BEND5: variants seen among roughly 807,000 people sequenced by gnomAD.
BEND5 encodes the protein BEN domain containing 5, also known as BEN domain-containing protein 5.
A neutral mutation model predicts 43.9 loss-of-function variants in BEND5; 22 were observed. The observed-to-expected ratio is 0.50, with a 90% CI of 0.36 to 0.72. The LOEUF is 0.72. BEND5 is among the 30% of genes least tolerant of loss of function. The pLI is 0.00. For synonymous variants in BEND5, 228 were observed against 225.9 expected (o/e 1.01, Z -0.08); for missense variants, 428 against 550.6 (o/e 0.78, Z 2.23).
At chr1:48,776,057 C>T (rs1321902112) in intron 1 of BEND5, among the ~76,000 whole-genome samples, 3 of 152,116 alleles carry the variant, frequency 2.0e-5, no homozygotes, top group Non-Finnish European at 2.9e-5. Context: ...AATGTTGGCC[C>T]GGATGGGACA....
rs143430976 is a variant in BEND5, at chr1:48,742,683, C to T, written c.834G>A (p.Thr278=). The T allele has an allele frequency of 4.4e-5, 71 of 1,611,268 alleles. No individual in the cohort carries two copies. The highest frequency in any genetic ancestry group is 1.6e-4 in the Middle Eastern group (1 of 6,070). ...GCGCAGGAGCGGGGTAATAGGACGACGTATTTGCTTCCTCACTGAAAGTGC... is the reference window on the plus strand; with the variant it reads ...GCGCAGGAGCGGGGTAATAGGACGATGTATTTGCTTCCTCACTGAAAGTGC... ...LRSTFSEEAN[T]SSYYPAPAPV... Residue 278 remains threonine, a synonymous_variant, in exon 4 of 6, where the codon ACG becomes ACA. Transcript: ENST00000371833.
intron 3 of BEND5, among the ~76,000 whole-genome samples, chr1:48,749,366 A>G (rs1445868509): frequency 1.3e-5 from 2 of 152,158 alleles, no homozygotes; most frequent in African/African-American, 4.8e-5. Context: ...TGTCCTCCAT[A>G]CAGAACACTC....
chr1:48,744,812 A>G (rs575935585), intron 3 of BEND5, among the ~76,000 whole-genome samples: 1 of 152,226 alleles, frequency 6.6e-6, no homozygotes, highest in East Asian at 1.9e-4. Context: ...GCTAGGGTTC[A>G]TTTCTTGCCC....
At chr1:48,740,988 T>C (rs1011156065) in intron 4 of BEND5, among the ~76,000 whole-genome samples, 5 of 152,232 alleles carry the variant, frequency 3.3e-5, no homozygotes, top group Non-Finnish European at 7.3e-5. Flanking sequence ...CAAGATTTGC[T>C]GTTCAACTCA....
rs975412138 is a variant in BEND5 at position 48,727,679 on chromosome 1, A to C, written c.*207T>G. The C allele has an allele frequency of 5.5e-6, 2 of 364,368 alleles. No homozygotes were observed. The highest frequency in any genetic ancestry group is 9.8e-6 in the Non-Finnish European group (2 of 203,850). The allele number at this position is 364,368 out of a possible 1,614,324, so 22.6% of individuals were successfully genotyped here. ...GTGTTTTCCCCATTCCCAGAAGGAC[A>C]CCAGTGCCAGGCTGCTCCTGAGTCT... is the stretch of plus-strand genomic sequence containing the variant. On this transcript the variant is annotated 3_prime_UTR_variant, in exon 6 of 6. Coordinates refer to ENST00000371833, the MANE Select transcript of BEND5 (RefSeq NM_024603.4).
rs1339113888 is a variant in BEND5, at chr1:48,737,451, T to C, written c.895-999A>G. On this transcript the variant is annotated intron_variant, in intron 4 of 5. Transcript: ENST00000371833. ...TAAGGAGAGCAGCTGCCCTGCCAAT[T>C]GGAGTAGGGCTGTGCCAGTCCTTTC... Among the ~76,000 whole-genome samples the C allele has an allele frequency of 2.0e-5, 3 of 152,270 alleles. No homozygotes were observed. The East Asian group carries it at 5.8e-4, about 29-fold the overall frequency.
Position 48,736,142 on chromosome 1 carries a change from G to T in BEND5, c.1108+97C>A. 1 of 1,385,374 alleles carries T rather than the reference G, an allele frequency of 7.2e-7. No homozygotes were observed. The highest frequency in any genetic ancestry group is 1.0e-6 in the Non-Finnish European group (1 of 984,090). The allele number at this position is 1,385,374 out of a possible 1,614,324, so 85.8% of individuals were successfully genotyped here. On this transcript the variant is annotated intron_variant, in intron 5 of 5. Transcript: ENST00000371833. The surrounding 1 kb of genome is among the most constrained non-coding windows in gnomAD (Gnocchi z 4.0). ...TCAGCCCAGGGTCTGGCATGCAGAAGCTTCATAAGTAATCGTTGAATTGAA... is the reference window on the plus strand; with the variant it reads ...TCAGCCCAGGGTCTGGCATGCAGAATCTTCATAAGTAATCGTTGAATTGAA...
In BEND5 at chr1:48,776,685, G is replaced by A. The variant is rs1201394789; in HGVS notation, c.147C>T (p.Ala49=). ...GGGCGCGCGGGGGGCTCTCGGGCCC[G>A]GCGCCCAATTCCTCCGGGCCCCGGT... The part of the protein sequence containing the change: ...AVYRGPEELG[A]GPESPPRAPR... The change falls in exon 1 of 6, where the codon GCC becomes GCT. Residue 49 remains alanine, a synonymous_variant. Transcript: ENST00000371833. 6.6e-7 allele frequency: 1 copy of A among 1,513,684 alleles called. No homozygotes were observed. Among genetic ancestry groups the A allele is most frequent in the East Asian group, 2.7e-5 (1 of 36,466 alleles). The allele number at this position is 1,513,684 out of a possible 1,614,324, so 93.8% of individuals were successfully genotyped here. A position where few individuals can be genotyped will look rare whatever the true frequency, so the allele number is the denominator to read the frequency against.
intron 3 of BEND5, among the ~76,000 whole-genome samples, chr1:48,747,868 A>G (rs1375431349): frequency 4.6e-5 from 7 of 152,238 alleles, no homozygotes. Context: ...GACACTAAAT[A>G]TCATTTCTGA....
chr1:48,774,993 A>T (rs1369561666), intron 1 of BEND5, among the ~76,000 whole-genome samples: 1 of 152,230 alleles, frequency 6.6e-6, no homozygotes, highest in East Asian at 1.9e-4. Context: ...GCAAAAGGGA[A>T]GCTAAGGTTA....
At position 48,755,485 on chromosome 1, in the gene BEND5, T is replaced by C. The variant is rs544959926; in HGVS notation, c.745+3415A>G. ...CAAAAAATGAAAATACTCAAGGATA[T>C]GCCTCCAGGAGCAACACTCAAATGA... On this transcript the variant is annotated intron_variant, in intron 3 of 5. Coordinates refer to ENST00000371833, the MANE Select transcript of BEND5 (RefSeq NM_024603.4). Among the ~76,000 whole-genome samples the C allele has an allele frequency of 9.9e-5, 15 of 152,280 alleles. No individual in the cohort carries two copies. The South Asian group carries it at 2.9e-3, about 30-fold the overall frequency.
chr1:48,755,460 CA>C (rs1387586784), intron 3 of BEND5, among the ~76,000 whole-genome samples: 3 of 152,072 alleles, frequency 2.0e-5, no homozygotes, highest in African/African-American at 7.2e-5. Context: ...CTGAGGTGGA[CA>C]AAAAATGAAA....
chr1:48,755,542 G>A (rs12137284), intron 3 of BEND5, among the ~76,000 whole-genome samples: 29,510 of 152,144 alleles, frequency 0.19, 3,589 homozygotes, highest in East Asian at 0.39. Context: ...CAAAGCCTGG[G>A]CCCTACATCA....
chr1:48,730,481 G>A (rs576466280), intron 5 of BEND5, among the ~76,000 whole-genome samples: 2 of 152,144 alleles, frequency 1.3e-5, no homozygotes, highest in Non-Finnish European at 2.9e-5. Flanking sequence ...GGTAATAATG[G>A]CAGGTAAAGT....
At chr1:48,772,337 T>C (rs1644877469) in intron 1 of BEND5, among the ~76,000 whole-genome samples, 1 of 152,206 alleles carries the variant, frequency 6.6e-6, no homozygotes, top group Non-Finnish European at 1.5e-5. Context: ...ATGTACTTTG[T>C]CCACTCCTTT....
intron 2 of BEND5, 70 bp from the exon 3 acceptor site, chr1:48,759,354 TC>T: frequency 6.7e-7 from 1 of 1,500,058 alleles, no homozygotes. Flanking sequence ...GATCAATATT[TC>T]CCCAGACAAT....
intron 4 of BEND5, among the ~76,000 whole-genome samples, chr1:48,738,184 C>A (rs1043073292): frequency 6.6e-6 from 1 of 152,120 alleles, no homozygotes; most frequent in Non-Finnish European, 1.5e-5. Context: ...TGAAATTTTC[C>A]AACCATCAAG....
intron 1 of BEND5, among the ~76,000 whole-genome samples, chr1:48,769,496 A>C (rs1367606338): frequency 6.7e-6 from 1 of 148,720 alleles, no homozygotes; most frequent in Non-Finnish European, 1.5e-5. Flanking sequence ...TAAGCCTTTC[A>C]TGCTTAGGTC....
At chr1:48,760,621 C>T (rs1366461587) in intron 2 of BEND5, among the ~76,000 whole-genome samples, 7 of 152,186 alleles carry the variant, frequency 4.6e-5, no homozygotes, top group African/African-American at 1.7e-4. Flanking sequence ...GGGCCAGGCG[C>T]ATAGCAGGAG....
Sources: gnomAD v4.1 joint callset for allele counts (sites outside exome capture counted in the v4.1 genomes callset) on GRCh38, gnomAD v4.1.1 for gene constraint, Gnocchi (gnomAD v3.1) non-coding constraint, MANE v1.5 for transcripts, NCBI Gene and HGNC (gene_info 2026-07-23, HGNC 2026-07-21) for gene names.